RNF24: variants seen among roughly 807,000 people sequenced by gnomAD.
RNF24 encodes ring finger protein 24.
Under a neutral mutation model 20.0 loss-of-function variants are expected in RNF24, and 14 were observed. The observed-to-expected ratio is 0.70, with a 90% CI of 0.46 to 1.10. The LOEUF is 1.10. Among genes scored for constraint, RNF24 ranks in the 50% least tolerant of loss-of-function variants. The probability of loss-of-function intolerance (pLI) is 0.00; values close to 1 mark genes in which losing one functional copy is unlikely to be tolerated. For missense variants in RNF24, 124 were observed against 177.6 expected (o/e 0.70, Z 1.71); for synonymous variants, 45 against 61.1 (o/e 0.74, Z 1.23).
At chr20:3,974,494 C>T in intron 1 of RNF24, 1 of 1,210,750 alleles carries the variant, frequency 8.3e-7, no homozygotes, top group African/African-American at 1.6e-5. Context: ...TCAACATCTA[C>T]AACAACAAAA....
chr20:3,939,543 C>T (rs1002306349), intron 4 of RNF24, among the ~76,000 whole-genome samples: 13 of 152,170 alleles, frequency 8.5e-5, no homozygotes, highest in Non-Finnish European at 5.9e-5. Context: ...CAGTTCTATT[C>T]CACTGATCTA....
intron 4 of RNF24, among the ~76,000 whole-genome samples, chr20:3,940,424 A>G (rs1160456465): frequency 6.6e-6 from 1 of 152,002 alleles, no homozygotes; most frequent in African/African-American, 2.4e-5. Flanking sequence ...CTGAAAAAAA[A>G]AAAAACTCTC....
At chr20:4,001,861 T>C (rs1446591422) in intron 1 of RNF24, among the ~76,000 whole-genome samples, 2 of 151,990 alleles carry the variant, frequency 1.3e-5, no homozygotes, top group Non-Finnish European at 2.9e-5. Context: ...GGTGGAGAGA[T>C]TGCTTGAGCC....
intron 1 of RNF24, among the ~76,000 whole-genome samples, chr20:4,008,557 T>TA (rs1491280985): frequency 5.8e-4 from 71 of 122,958 alleles, no homozygotes; most frequent in African/African-American, 1.1e-3. Context: ...TATATATATA[T>TA]TTTTTTTTGA....
At chr20:3,956,285 C>A (rs542840550) in intron 2 of RNF24, among the ~76,000 whole-genome samples, 1 of 150,568 alleles carries the variant, frequency 6.6e-6, no homozygotes, top group South Asian at 2.1e-4. Flanking sequence ...TTAATAAATG[C>A]CCTTTCTTGT....
intron 1 of RNF24, among the ~76,000 whole-genome samples, chr20:3,974,123 A>G (rs1207104739): frequency 1.3e-5 from 2 of 152,030 alleles, no homozygotes; most frequent in African/African-American, 4.8e-5. Context: ...GAAAAATCAC[A>G]TGATCATATT....
chr20:3,996,820 C>A (rs1370429319), intron 1 of RNF24, among the ~76,000 whole-genome samples: 1 of 152,144 alleles, frequency 6.6e-6, no homozygotes, highest in Non-Finnish European at 1.5e-5. Flanking sequence ...GAGGTTTACA[C>A]CCAAGAGGAG....
chr20:3,947,563 C>G (rs749346078), intron 3 of RNF24, among the ~76,000 whole-genome samples: 2 of 152,102 alleles, frequency 1.3e-5, no homozygotes, highest in South Asian at 2.1e-4. Flanking sequence ...CGCTCACCTC[C>G]GAGGAACTGC....
In RNF24 at chr20:3,930,238, G is replaced by C. The variant is rs2090803170; in HGVS notation, c.*3825C>G. 6.6e-6 allele frequency: 1 copy of C among 152,190 alleles called. No individual in the cohort carries two copies. Among genetic ancestry groups the C allele is most frequent in the South Asian group, 2.1e-4 (1 of 4,832 alleles). The allele number at this position is 152,190 out of a possible 1,614,324, so 9.4% of individuals were successfully genotyped here. A position where few individuals can be genotyped will look rare whatever the true frequency, so the allele number is the denominator to read the frequency against. The stretch of plus-strand genomic sequence containing the variant: ...CATTAAGAAAGAAATATTCAGCACT[G>C]AACAACCAAGTCAGAGTTCACTGTG... On this transcript the variant is annotated 3_prime_UTR_variant, in exon 6 of 6. Coordinates refer to ENST00000358395, the MANE Select transcript of RNF24 (RefSeq NM_001134337.3).
At chr20:3,945,767 G>A (rs1317695273) in intron 3 of RNF24, among the ~76,000 whole-genome samples, 6 of 151,352 alleles carry the variant, frequency 4.0e-5, no homozygotes, top group Non-Finnish European at 8.8e-5. Context: ...TTTTGACTCC[G>A]TGGTGACCAG....
chr20:4,008,451 TA>T (rs1982126923), intron 1 of RNF24, among the ~76,000 whole-genome samples: 1 of 18,514 alleles, frequency 5.4e-5, no homozygotes, highest in Non-Finnish European at 1.4e-4. Flanking sequence ...ATAATATATA[TA>T]ATATATAATA....
At chr20:3,974,347 A>T in intron 1 of RNF24, 1 of 1,550,908 alleles carries the variant, frequency 6.4e-7, no homozygotes, top group Non-Finnish European at 8.7e-7. Context: ...TAAGACCGGG[A>T]ACAAGGCAGG....
chr20:3,953,465 CTCTT>C (rs1333103485), intron 2 of RNF24, among the ~76,000 whole-genome samples: 1 of 59,372 alleles, frequency 1.7e-5, no homozygotes, highest in Non-Finnish European at 3.1e-5. Context: ...AACACATTCT[CTCTT>C]TTTTTTTTTT....
chr20:3,964,371 TC>T (rs1240061874), intron 1 of RNF24, among the ~76,000 whole-genome samples: 1 of 152,236 alleles, frequency 6.6e-6, no homozygotes, highest in East Asian at 1.9e-4. Flanking sequence ...TTCTTCAAAC[TC>T]TTTAGCCTTT....
At chr20:4,009,830 G>GA (rs11483685) in intron 1 of RNF24, among the ~76,000 whole-genome samples, 65,261 of 151,098 alleles carry the variant, frequency 0.43, 14,345 homozygotes, top group Non-Finnish European at 0.47. Context: ...GCTATAAATA[G>GA]AAAAAAAAGG....
chr20:3,932,301 G>A lies in RNF24; in HGVS notation c.*1762C>T, dbSNP rs2090834258. ...CGGTGAAAGTAGGAGTGCATAAATA[G>A]TTTTTTTCATGGGTGCCAGACAGGC... On this transcript the variant is annotated 3_prime_UTR_variant, in exon 6 of 6. Coordinates refer to ENST00000358395, the MANE Select transcript of RNF24 (RefSeq NM_001134337.3). 1 of 152,170 alleles carries A rather than the reference G, an allele frequency of 6.6e-6. No homozygotes were observed. The highest frequency in any genetic ancestry group is 2.4e-5 in the African/African-American group (1 of 41,424). The allele number at this position is 152,170 out of a possible 1,614,324, so 9.4% of individuals were successfully genotyped here.
intron 1 of RNF24, among the ~76,000 whole-genome samples, chr20:3,964,451 C>A (rs1600663837): frequency 6.6e-6 from 1 of 152,216 alleles, no homozygotes; most frequent in Non-Finnish European, 1.5e-5. Context: ...ACTGAGATAT[C>A]TCACAAGGAA....
chr20:3,996,254 A>G (rs1304216772), intron 1 of RNF24, among the ~76,000 whole-genome samples: 1 of 152,230 alleles, frequency 6.6e-6, no homozygotes, highest in African/African-American at 2.4e-5. Context: ...CCATAATATC[A>G]ACTCCAAAAT....
At chr20:4,008,370 TTA>T (rs1174613405) in intron 1 of RNF24, among the ~76,000 whole-genome samples, 1,425 of 33,508 alleles carry the variant, frequency 0.043, 45 homozygotes, top group Non-Finnish European at 0.058. Context: ...AATATATATA[TTA>T]TATATATAAT....
Sources: allele counts gnomAD v4.1 joint callset (sites outside exome capture counted in the v4.1 genomes callset), GRCh38; gene constraint gnomAD v4.1.1; transcripts MANE v1.5; gene names NCBI Gene and HGNC (gene_info 2026-07-23, HGNC 2026-07-21).